CSNK1G3: variants seen among roughly 807,000 people sequenced by gnomAD.
The protein encoded by CSNK1G3 is casein kinase I isoform gamma-3.
Under a neutral mutation model 64.3 loss-of-function variants are expected in CSNK1G3, and 23 were observed. The observed-to-expected ratio is 0.36, with a 90% CI of 0.26 to 0.51. CSNK1G3 has a LOEUF of 0.51. CSNK1G3 is among the 20% of genes least tolerant of loss of function. CSNK1G3 has a pLI of 0.96. For missense variants in CSNK1G3, 357 were observed against 510.5 expected, an observed-to-expected ratio of 0.70 and a Z score of 2.90; for synonymous variants, 158 against 162.2, an observed-to-expected ratio of 0.97 and a Z score of 0.20.
intron 4 of CSNK1G3, among the ~76,000 whole-genome samples, chr5:123,561,034 G>T (rs1785594164): frequency 6.6e-6 from 1 of 152,256 alleles, no homozygotes; most frequent in African/African-American, 2.4e-5. Flanking sequence ...ATTTAGTGGG[G>T]TATCTGTGAA....
At chr5:123,551,196 A>G (rs1489959982) in intron 2 of CSNK1G3, among the ~76,000 whole-genome samples, 2 of 152,180 alleles carry the variant, frequency 1.3e-5, no homozygotes, top group East Asian at 1.9e-4. Context: ...CAAAACCAGA[A>G]TTGTCTTTTG....
At chr5:123,564,959 C>T (rs1250320709) in intron 4 of CSNK1G3, among the ~76,000 whole-genome samples, 2 of 152,060 alleles carry the variant, frequency 1.3e-5, no homozygotes, top group Non-Finnish European at 2.9e-5. Flanking sequence ...TATCTCAGAG[C>T]ACTTTTGTTG....
At chr5:123,521,101 T>C (rs553553048) in intron 1 of CSNK1G3, among the ~76,000 whole-genome samples, 1 of 152,226 alleles carries the variant, frequency 6.6e-6, no homozygotes, top group South Asian at 2.1e-4. Context: ...AGTCTAGTAT[T>C]GTTTTGGAGA....
Position 123,550,426 on chromosome 5 carries a change from T to G in CSNK1G3, c.179-2681T>G, listed in dbSNP as rs190387263. Among the ~76,000 whole-genome samples, 8 of 152,324 alleles carry G rather than the reference T, an allele frequency of 5.3e-5. No homozygotes were observed. The East Asian group carries it at 1.5e-3, about 29-fold the overall frequency. Reference sequence around the variant, plus strand: ...CTTAATGTCTACTGACATTCAGAACTTAAGTCACATGGCCACACTAAGCTG... The same window carrying G: ...CTTAATGTCTACTGACATTCAGAACGTAAGTCACATGGCCACACTAAGCTG... On this transcript the variant is annotated intron_variant, in intron 2 of 12. Coordinates refer to ENST00000345990, the Ensembl canonical transcript of CSNK1G3.
chr5:123,570,065 C>T (rs1468948451), intron 4 of CSNK1G3, among the ~76,000 whole-genome samples: 3 of 152,164 alleles, frequency 2.0e-5, no homozygotes, highest in African/African-American at 7.2e-5. Context: ...ACATTCTTAG[C>T]ATGGTTTCTC....
chr5:123,569,998 G>C (rs1787756126), intron 4 of CSNK1G3, among the ~76,000 whole-genome samples: 1 of 152,016 alleles, frequency 6.6e-6, no homozygotes, highest in African/African-American at 2.4e-5. Context: ...TATTATTATG[G>C]TGAATTATAT....
At chr5:123,551,592 TA>T (rs777270054) in intron 2 of CSNK1G3, among the ~76,000 whole-genome samples, 2 of 152,182 alleles carry the variant, frequency 1.3e-5, no homozygotes, top group Non-Finnish European at 2.9e-5. Context: ...ATAATATTTG[TA>T]TAAATAAACA....
chr5:123,543,095 T>C (rs1484124730), intron 1 of CSNK1G3, among the ~76,000 whole-genome samples: 1 of 152,098 alleles, frequency 6.6e-6, no homozygotes, highest in African/African-American at 2.4e-5. Context: ...TTTACATGTT[T>C]GGTAATTTTT....
chr5:123,528,399 CTTAT>C (rs921647792), intron 1 of CSNK1G3, among the ~76,000 whole-genome samples: 3 of 152,092 alleles, frequency 2.0e-5, no homozygotes, highest in South Asian at 2.1e-4. Context: ...CATTTATTCA[CTTAT>C]TTATTTAAGG....
Position 123,590,161 on chromosome 5 carries a change from T to C in CSNK1G3, c.845-252T>C, listed in dbSNP as rs189137069. On this transcript the variant is annotated intron_variant, in intron 8 of 12. Transcript: ENST00000345990. ...TCTTATAAAAATGAAAATTTTAGCT[T>C]TTCCTAATGAAATGAAGCAAAAATA... Among the ~76,000 whole-genome samples the C allele has an allele frequency of 4.2e-3, 636 of 152,186 alleles. 15 individuals carry two copies. The highest frequency in any genetic ancestry group is 1.9e-3 in the East Asian group (10 of 5,192).
exon 11 of CSNK1G3, chr5:123,604,727 G>T: frequency 1.2e-6 from 2 of 1,607,636 alleles, no homozygotes; most frequent in Non-Finnish European, 1.7e-6. Context: ...CAAACAGGTT[G>T]TAAGTTCTAC....
At chr5:123,516,977 T>C (rs1777279075) in intron 1 of CSNK1G3, among the ~76,000 whole-genome samples, 3 of 152,240 alleles carry the variant, frequency 2.0e-5, no homozygotes. Context: ...TCTGCCATTA[T>C]ATTCTTCATC....
chr5:123,573,290 C>A, intron 4 of CSNK1G3, 103 bp from the exon 5 acceptor site: 1 of 1,226,532 alleles, frequency 8.2e-7, no homozygotes, highest in Non-Finnish European at 1.2e-6. Flanking sequence ...GATAGTACTG[C>A]TTTAGTTCTT....
In CSNK1G3 at chr5:123,530,286, CTA is replaced by C. The variant is rs1276467086; in HGVS notation, c.-247-15129_-247-15128del. 1.1e-4 allele frequency among the ~76,000 whole-genome samples: 17 copies of C among 152,106 alleles called. No individual in the cohort carries two copies. In the East Asian group the frequency reaches 3.3e-3, roughly 29 times the overall value. ...GAACAGTGAGAGCTGAATAATTAGA[CTA>C]TTAATTTAATTAGACTTCCAGTAAT... On this transcript the variant is annotated intron_variant, in intron 1 of 12. Coordinates refer to ENST00000345990, the Ensembl canonical transcript of CSNK1G3.
At chr5:123,601,254 A>C (rs537734734) in intron 10 of CSNK1G3, among the ~76,000 whole-genome samples, 1 of 152,256 alleles carries the variant, frequency 6.6e-6, no homozygotes, top group African/African-American at 2.4e-5. Flanking sequence ...GTATATCTTC[A>C]TTTCTTCTTT....
At chr5:123,571,910 G>A (rs1435362915) in intron 4 of CSNK1G3, among the ~76,000 whole-genome samples, 1 of 152,164 alleles carries the variant, frequency 6.6e-6, no homozygotes, top group African/African-American at 2.4e-5. Context: ...TTATTTACGA[G>A]TGGGCATTAC....
At chr5:123,584,221 G>T (rs1790885262) in intron 6 of CSNK1G3, among the ~76,000 whole-genome samples, 1 of 152,138 alleles carries the variant, frequency 6.6e-6, no homozygotes, top group African/African-American at 2.4e-5. Context: ...AATAGAAAGG[G>T]TAAGAGTGGA....
At chr5:123,567,279 C>T (rs1405482478) in intron 4 of CSNK1G3, among the ~76,000 whole-genome samples, 1 of 152,142 alleles carries the variant, frequency 6.6e-6, no homozygotes, top group Non-Finnish European at 1.5e-5. Flanking sequence ...GGGTCACAGC[C>T]AAACCATATC....
At chr5:123,588,656 G>A (rs751980339) in intron 8 of CSNK1G3, 145 bp downstream of exon 8, 29 of 623,460 alleles carry the variant, frequency 4.7e-5, no homozygotes, top group South Asian at 1.0e-4. Flanking sequence ...ATTTGATGCC[G>A]AACCCACAGG....
Sources: allele counts gnomAD v4.1 joint callset (sites outside exome capture counted in the v4.1 genomes callset), GRCh38; gene constraint gnomAD v4.1.1; transcripts MANE v1.5; gene names NCBI Gene and HGNC (gene_info 2026-07-23, HGNC 2026-07-21).